RGSL1: variants seen among roughly 807,000 people sequenced by gnomAD.
RGSL1 encodes regulator of G protein signaling protein-like.
In RGSL1, 97 loss-of-function variants were observed where a neutral mutation model predicts 124.7. The ratio of observed to expected loss-of-function variants is 0.78; its 90% CI spans 0.66 to 0.92. The LOEUF is 0.92. Ranked by LOEUF, RGSL1 falls within the 40% of genes least tolerant of loss-of-function variation. The probability of loss-of-function intolerance (pLI) is 0.00; values close to 1 mark genes in which losing one functional copy is unlikely to be tolerated. For missense variants in RGSL1, 1,233 were observed against 1,288.4 expected (o/e 0.96, Z 0.66); for synonymous variants, 424 against 438.1 (o/e 0.97, Z 0.40).
intron 9 of RGSL1, among the ~76,000 whole-genome samples, chr1:182,508,543 CCCG>C (rs976719540): frequency 1.6e-4 from 25 of 151,958 alleles, no homozygotes; most frequent in African/African-American, 5.8e-4. Context: ...AGGTGATCCA[CCCG>C]CCTCAGCCTC....
chr1:182,525,817 G>A (rs1658700102), intron 10 of RGSL1, among the ~76,000 whole-genome samples: 2 of 151,742 alleles, frequency 1.3e-5, no homozygotes, highest in South Asian at 2.1e-4. Context: ...TTAGTTTTTT[G>A]TAGAGATTAA....
chr1:182,464,727 G>GA (rs1053256045), intron 4 of RGSL1, among the ~76,000 whole-genome samples: 1,250 of 105,804 alleles, frequency 0.012, 55 homozygotes, highest in Admixed American at 0.097. Flanking sequence ...CTGCTCAGAA[G>GA]AAAAAAAAAA....
In RGSL1 at chr1:182,472,017, A is replaced by G. The variant is rs1653886784; in HGVS notation, c.302-379A>G. Reference sequence around the variant, plus strand: ...GTAGTCTTTGGCATCTTTTGGCTCCAGTGTCCTTCTGCAGGCCATTCTCAG... The same window carrying G: ...GTAGTCTTTGGCATCTTTTGGCTCCGGTGTCCTTCTGCAGGCCATTCTCAG... On this transcript the variant is annotated intron_variant, in intron 4 of 21. Transcript: ENST00000294854. Among the ~76,000 whole-genome samples the G allele has an allele frequency of 3.3e-5, 5 of 152,198 alleles. No individual in the cohort carries two copies. The South Asian group carries it at 1.0e-3, about 31-fold the overall frequency.
At chr1:182,556,402 G>A (rs1212275838) in intron 21 of RGSL1, among the ~76,000 whole-genome samples, 180 bp downstream of exon 21, 1 of 152,216 alleles carries the variant, frequency 6.6e-6, no homozygotes, top group Non-Finnish European at 1.5e-5. Flanking sequence ...TCAGGAGCAA[G>A]GTGCTATAAT....
chr1:182,456,063 G>A (rs78643276), intron 2 of RGSL1, among the ~76,000 whole-genome samples: 7,777 of 152,212 alleles, frequency 0.051, 274 homozygotes, highest in South Asian at 0.09. Context: ...ATAAGTAGAG[G>A]AGATTGTTAA....
chr1:182,544,753 T>C (rs1170853811), intron 15 of RGSL1, among the ~76,000 whole-genome samples: 1 of 152,130 alleles, frequency 6.6e-6, no homozygotes, highest in Non-Finnish European at 1.5e-5. Context: ...AATAACTATG[T>C]CTCTTTTTAG....
At chr1:182,553,362 T>C (rs1436941726) in intron 18 of RGSL1, 93 bp from the exon 19 acceptor site, 1 of 862,008 alleles carries the variant, frequency 1.2e-6, no homozygotes, top group Non-Finnish European at 1.9e-6. Flanking sequence ...AATCTAAGTG[T>C]GTTAAACAAG....
At chr1:182,552,481 G>GT (rs1256942589) in intron 18 of RGSL1, among the ~76,000 whole-genome samples, 1 of 152,152 alleles carries the variant, frequency 6.6e-6, no homozygotes, top group Non-Finnish European at 1.5e-5. Context: ...AAGGCTGGGT[G>GT]TCTTTCAGGG....
rs2102094861 is a variant in RGSL1, at chr1:182,489,137, C to T, written c.1652C>T (p.Ala551Val). ...GACTATAGGCAGTGGCGAAAGATAGCTACTGAGGACCTGAAGCAAGGAGGC... is the reference window on the plus strand; with the variant it reads ...GACTATAGGCAGTGGCGAAAGATAGTTACTGAGGACCTGAAGCAAGGAGGC... Reference protein sequence around the residue: ...EMDYRQWRKIATEDLKQGGSL... With the variant: ...EMDYRQWRKIVTEDLKQGGSL... The change falls in exon 8 of 22, where the codon GCT becomes GTT. Residue 551 changes from alanine to valine, a missense_variant. Coordinates refer to ENST00000294854, the MANE Select transcript of RGSL1 (RefSeq NM_001137669.2). 1 of 1,551,720 alleles carries T rather than the reference C, an allele frequency of 6.4e-7. No individual in the cohort carries two copies. The highest frequency in any genetic ancestry group is 2.0e-5 in the Admixed American group (1 of 50,998).
intron 21 of RGSL1, among the ~76,000 whole-genome samples, chr1:182,556,850 G>C (rs990837684): frequency 1.3e-5 from 2 of 152,066 alleles, no homozygotes; most frequent in African/African-American, 2.4e-5. Flanking sequence ...AGTAAAATGA[G>C]TCAGAATTTC....
intron 6 of RGSL1, among the ~76,000 whole-genome samples, 193 bp from the exon 7 acceptor site, chr1:182,488,090 CTG>C (rs1655229071): frequency 6.6e-6 from 1 of 152,186 alleles, no homozygotes; most frequent in Non-Finnish European, 1.5e-5. Context: ...TAGAGAGAGG[CTG>C]TGTTAGCTGC....
chr1:182,488,824 G>A, intron 7 of RGSL1, 156 bp from the exon 8 acceptor site: 1 of 583,900 alleles, frequency 1.7e-6, no homozygotes, highest in East Asian at 2.9e-5. Flanking sequence ...AAGGGTGGGG[G>A]TTGGCATGTA....
At chr1:182,490,424 G>A (rs897616336) in intron 8 of RGSL1, among the ~76,000 whole-genome samples, 5 of 152,122 alleles carry the variant, frequency 3.3e-5, no homozygotes, top group Non-Finnish European at 5.9e-5. Flanking sequence ...TGTAACATCC[G>A]GCTCTTTTTT....
chr1:182,524,892 A>G (rs936930113), intron 10 of RGSL1, among the ~76,000 whole-genome samples: 2 of 152,198 alleles, frequency 1.3e-5, no homozygotes, highest in South Asian at 4.1e-4. Context: ...TTCCCAAGGG[A>G]CTGTGCAAAT....
Position 182,458,204 on chromosome 1 carries a change from C to G in RGSL1, c.97-115C>G. 1.0e-5 allele frequency: 7 copies of G among 684,916 alleles called. 1 individual carries two copies. The South Asian group carries it at 1.2e-4, about 12-fold the overall frequency. 42.4% of individuals were successfully genotyped at this position (684,916 alleles called of 1,614,324 possible). On this transcript the variant is annotated intron_variant, in intron 2 of 21. Transcript: ENST00000294854. The stretch of plus-strand genomic sequence containing the variant: ...GTAGAATAAATTTAAGAATTAGTGT[C>G]CCTTGAAATAAAAGAGCCATGGAAC...
intron 11 of RGSL1, among the ~76,000 whole-genome samples, chr1:182,528,700 C>T (rs181050184): frequency 7.2e-5 from 11 of 152,312 alleles, no homozygotes; most frequent in Non-Finnish European, 1.5e-4. Flanking sequence ...AACAGGTGGG[C>T]TCCCACAGCC....
chr1:182,454,866 C>T (rs1185275381), intron 2 of RGSL1, among the ~76,000 whole-genome samples: 1 of 152,180 alleles, frequency 6.6e-6, no homozygotes, highest in African/African-American at 2.4e-5. Context: ...CATTTTAACA[C>T]TGGTGCCTTA....
At chr1:182,492,242 C>T (rs943092462) in intron 8 of RGSL1, among the ~76,000 whole-genome samples, 3 of 152,122 alleles carry the variant, frequency 2.0e-5, no homozygotes, top group African/African-American at 7.2e-5. Context: ...GCCCGCACTT[C>T]GGGAGGCCAA....
chr1:182,530,161 A>C, intron 11 of RGSL1, 83 bp from the exon 12 acceptor site: 1 of 498,992 alleles, frequency 2.0e-6, no homozygotes, highest in East Asian at 5.6e-5. Context: ...ACTCTAAGAT[A>C]AAAAAAAAAA....
Sources: gnomAD v4.1 joint callset for allele counts (sites outside exome capture counted in the v4.1 genomes callset) on GRCh38, gnomAD v4.1.1 for gene constraint, MANE v1.5 for transcripts, NCBI Gene and HGNC (gene_info 2026-07-23, HGNC 2026-07-21) for gene names.